The following LRRIQ4 variants were observed in gnomAD, a reference collection of about 807,000 sequenced individuals.
LRRIQ4 encodes the protein leucine-rich repeat and IQ domain-containing protein 4.
In LRRIQ4, 21 loss-of-function variants were observed where a neutral mutation model predicts 40.1. The observed-to-expected ratio is 0.52, with a 90% CI of 0.37 to 0.75. The LOEUF (loss-of-function observed/expected upper bound fraction) is 0.75. Among genes scored for constraint, LRRIQ4 ranks in the 30% least tolerant of loss-of-function variants. The probability of loss-of-function intolerance (pLI) is 0.00; values close to 1 mark genes in which losing one functional copy is unlikely to be tolerated. For synonymous variants in LRRIQ4, 277 were observed against 277.1 expected, an observed-to-expected ratio of 1.00 and a Z score of 0.00; for missense variants, 655 against 660.0, an observed-to-expected ratio of 0.99 and a Z score of 0.08.
chr3:169,822,500 T>C lies in LRRIQ4; in HGVS notation c.579T>C (p.Ile193=). The C allele has an allele frequency of 6.2e-7, 1 of 1,614,000 alleles. No homozygotes were observed. Residue 193 remains isoleucine, a synonymous_variant, in exon 2 of 6, where the codon ATT becomes ATC. Transcript: ENST00000340806. ...ELCVLYTLEI[I]DLDENKIGAI... is the part of the protein sequence containing the mutation. ...GTGTTCTCTACACCCTGGAAATCATTGACCTGGACGAGAACAAAATAGGTG... is the reference window on the plus strand; with the variant it reads ...GTGTTCTCTACACCCTGGAAATCATCGACCTGGACGAGAACAAAATAGGTG...
chr3:169,832,546 C>T (rs546658773), intron 4 of LRRIQ4, among the ~76,000 whole-genome samples: 12 of 149,016 alleles, frequency 8.1e-5, no homozygotes, highest in East Asian at 7.9e-4. Context: ...GCACTTGAAT[C>T]GCTTCAACCT....
intron 2 of LRRIQ4, among the ~76,000 whole-genome samples, chr3:169,824,353 A>G (rs1278647308): frequency 6.6e-6 from 1 of 152,022 alleles, no homozygotes; most frequent in Non-Finnish European, 1.5e-5. Flanking sequence ...GTCTTTAAAA[A>G]CCAAGAAAGC....
intron 2 of LRRIQ4, among the ~76,000 whole-genome samples, chr3:169,826,868 A>T (rs1055420748): frequency 6.6e-6 from 1 of 152,230 alleles, no homozygotes; most frequent in Non-Finnish European, 1.5e-5. Flanking sequence ...TAAATAAATA[A>T]AACTGGAAAA....
Position 169,822,380 on chromosome 3 carries a change from C to G in LRRIQ4, c.459C>G (p.His153Gln). 1.2e-6 allele frequency: 2 copies of G among 1,612,464 alleles called. No homozygotes were observed. Among genetic ancestry groups the G allele is most frequent in the South Asian group, 1.1e-5 (1 of 90,818 alleles). ...AGCTGCTCGGACTGACCGGAAACCA[C>G]CTGAAATGTCTGCCCAAGGAAATAG... Reference protein sequence around the residue: ...HLELLGLTGNHLKCLPKEIVN... With the variant: ...HLELLGLTGNQLKCLPKEIVN... The change falls in exon 2 of 6, where the codon CAC (histidine) becomes CAG (glutamine). Residue 153 changes from histidine (H) to glutamine (Q), a missense_variant. Physicochemically the swap from His to Gln is conservative, Grantham distance 24. Transcript: ENST00000340806.
rs190482376 is a variant in LRRIQ4 at position 169,812,998 on chromosome 3, A to G, written c.-80A>G. 2.3e-3 allele frequency: 365 copies of G among 160,530 alleles called. 4 individuals carry two copies. The highest frequency in any genetic ancestry group is 8.6e-3 in the African/African-American group (361 of 41,748). The allele number at this position is 160,530 out of a possible 1,614,324, so 9.9% of individuals were successfully genotyped here. ...AGGAGGTGACATCTGGATGGTCCGAAGGAGGCTGCCAGAGGACAGAATGCT... is the reference window on the plus strand; with the variant it reads ...AGGAGGTGACATCTGGATGGTCCGAGGGAGGCTGCCAGAGGACAGAATGCT... On this transcript the variant is annotated 5_prime_UTR_variant, in exon 1 of 6. Transcript: ENST00000340806. This position sits in a 1 kb window ranked among gnomAD's most constrained non-coding sequence, Gnocchi z 4.3.
chr3:169,822,981 A>C, intron 2 of LRRIQ4, 40 bp downstream of exon 2: 1 of 1,467,906 alleles, frequency 6.8e-7, no homozygotes, highest in Non-Finnish European at 9.0e-7. Flanking sequence ...GCTCTCATCC[A>C]GGGTCCTTCC....
rs1200615470 is a variant in LRRIQ4 at position 169,833,163 on chromosome 3, A to G, written c.1510A>G (p.Arg504Gly). The G allele has an allele frequency of 6.2e-7, 1 of 1,613,086 alleles. No homozygotes were observed. Among genetic ancestry groups the G allele is most frequent in the Non-Finnish European group, 8.5e-7 (1 of 1,179,596 alleles). ...IWKYLKENRN[R>G]NIMATKIQAW... ...GAAATACCTCAAGGAAAACAGAAACAGGAATATAATGGCAACAAAGGTAAA... is the reference window on the plus strand; with the variant it reads ...GAAATACCTCAAGGAAAACAGAAACGGGAATATAATGGCAACAAAGGTAAA... The change falls in exon 5 of 6, where the codon AGG becomes GGG. Residue 504 changes from arginine to glycine, a missense_variant. By Grantham distance (125) the Arg-to-Gly change is moderately radical. Transcript: ENST00000340806.
rs1363428575 is a variant in LRRIQ4, at chr3:169,822,326, C to G, written c.405C>G (p.Val135=). The change falls in exon 2 of 6, where the codon GTC becomes GTG. Residue 135 remains valine, a synonymous_variant. Transcript: ENST00000340806. ...LYQTDLKEIP[V]VIFKNLHHLE... Reference sequence around the variant, plus strand: ...AGACCGACCTGAAGGAAATTCCCGTCGTCATCTTTAAAAACCTCCACCATC... The same window carrying G: ...AGACCGACCTGAAGGAAATTCCCGTGGTCATCTTTAAAAACCTCCACCATC... The G allele has an allele frequency of 6.8e-6, 11 of 1,613,866 alleles. No homozygotes were observed. The highest frequency in any genetic ancestry group is 9.3e-6 in the Non-Finnish European group (11 of 1,179,838).
intron 4 of LRRIQ4, 143 bp from the exon 5 acceptor site, chr3:169,832,844 G>T (rs1780211782): frequency 1.5e-6 from 1 of 668,416 alleles, no homozygotes; most frequent in South Asian, 2.2e-5. Flanking sequence ...GGTAGAAAAA[G>T]TTTTGTCGGG....
intron 1 of LRRIQ4, among the ~76,000 whole-genome samples, chr3:169,813,302 G>A (rs1210752365): frequency 6.6e-6 from 1 of 152,214 alleles, no homozygotes; most frequent in Non-Finnish European, 1.5e-5. Flanking sequence ...GTGACTACTT[G>A]CAGGAAATCA....
chr3:169,834,796 C>T (rs1780269010), intron 5 of LRRIQ4, among the ~76,000 whole-genome samples: 1 of 151,890 alleles, frequency 6.6e-6, no homozygotes, highest in Non-Finnish European at 1.5e-5. Context: ...TCATAGATTG[C>T]TCTTTTGTAC....
rs1779744476 is a variant in LRRIQ4, at chr3:169,815,416, TA to T, written c.-32+2371del. 2.0e-5 allele frequency among the ~76,000 whole-genome samples: 3 copies of T among 152,304 alleles called. No individual in the cohort carries two copies. The East Asian group carries it at 5.8e-4, about 29-fold the overall frequency. On this transcript the variant is annotated intron_variant, in intron 1 of 5. Coordinates refer to ENST00000340806, the MANE Select transcript of LRRIQ4 (RefSeq NM_001080460.3). ...TATTTGTAGCTACTGTAAATGGGAT[TA>T]TTTTCTTACTTTTTCTGATTGTTTG...
chr3:169,819,556 G>A (rs77223412), intron 1 of LRRIQ4, among the ~76,000 whole-genome samples: 2,381 of 152,270 alleles, frequency 0.016, 66 homozygotes, highest in African/African-American at 0.054. Flanking sequence ...ATTTTAATAA[G>A]TGCCAGGTTT....
At chr3:169,831,672 CA>C (rs1170303252) in intron 4 of LRRIQ4, among the ~76,000 whole-genome samples, 1 of 150,422 alleles carries the variant, frequency 6.6e-6, no homozygotes, top group African/African-American at 2.4e-5. Context: ...ATAAGGCATT[CA>C]AAAACTGGGG....
chr3:169,819,425 A>G (rs978656087), intron 1 of LRRIQ4, among the ~76,000 whole-genome samples: 4 of 152,336 alleles, frequency 2.6e-5, no homozygotes, highest in African/African-American at 9.6e-5. Context: ...AAGTTATTTC[A>G]TGTGTCTGGA....
chr3:169,816,609 T>C (rs1249411647), intron 1 of LRRIQ4, among the ~76,000 whole-genome samples: 1 of 151,992 alleles, frequency 6.6e-6, no homozygotes, highest in Non-Finnish European at 1.5e-5. Flanking sequence ...ATTAATTTTT[T>C]TGCATTGTTC....
chr3:169,832,529 G>A (rs1780203310), intron 4 of LRRIQ4, among the ~76,000 whole-genome samples: 1 of 150,926 alleles, frequency 6.6e-6, no homozygotes, highest in Admixed American at 6.6e-5. Flanking sequence ...CTACTTGGGA[G>A]GCTGAGGCAC....
intron 1 of LRRIQ4, among the ~76,000 whole-genome samples, chr3:169,818,033 TCACGTTC>T (rs944160743): frequency 2.1e-4 from 32 of 152,190 alleles, no homozygotes; most frequent in Non-Finnish European, 3.4e-4. Context: ...TAGCCAGAAC[TCACGTTC>T]CACCCACTGG....
chr3:169,830,343 C>CCTTAACT, intron 3 of LRRIQ4, 149 bp from the exon 4 acceptor site: 1 of 521,284 alleles, frequency 1.9e-6, no homozygotes, highest in Non-Finnish European at 3.0e-6. Flanking sequence ...ATGCTTTTTC[C>CCTTAACT]CTTAACTCAA....
Sources: gnomAD v4.1 joint callset for allele counts (sites outside exome capture counted in the v4.1 genomes callset) on GRCh38, gnomAD v4.1.1 for gene constraint, Gnocchi (gnomAD v3.1) non-coding constraint, MANE v1.5 for transcripts, NCBI Gene and HGNC (gene_info 2026-07-23, HGNC 2026-07-21) for gene names.